The following HPS1 variants were observed in gnomAD, a reference collection of about 807,000 sequenced individuals.
HPS1 encodes BLOC-3 complex member HPS1.
HPS1 carries 59 observed loss-of-function variants against 90.6 expected under a neutral mutation model. That is an observed-to-expected ratio of 0.65 (90% CI 0.53 to 0.81). The LOEUF (loss-of-function observed/expected upper bound fraction) is 0.81. Ranked by LOEUF, HPS1 falls within the 30% of genes least tolerant of loss-of-function variation. HPS1 has a pLI of 0.00. For missense variants in HPS1, 849 were observed against 896.7 expected (o/e 0.95, Z 0.68); for synonymous variants, 388 against 384.4 (o/e 1.01, Z -0.11).
At chr10:98,429,664 A>G (rs1213761045) in intron 9 of HPS1, 22 bp from the exon 10 acceptor site, 1 of 1,613,720 alleles carries the variant, frequency 6.2e-7, no homozygotes, top group Non-Finnish European at 8.5e-7. Context: ...AAGGTGGCTC[A>G]GGTTGAGAGG....
At chr10:98,437,740 C>A (rs1248441509) in intron 3 of HPS1, among the ~76,000 whole-genome samples, 1 of 152,240 alleles carries the variant, frequency 6.6e-6, no homozygotes, top group Non-Finnish European at 1.5e-5. Flanking sequence ...GTATCACCAT[C>A]ATTAAGCAGG....
chr10:98,430,796 G>A, intron 7 of HPS1, 126 bp from the exon 8 acceptor site: 1 of 765,504 alleles, frequency 1.3e-6, no homozygotes, highest in Non-Finnish European at 2.2e-6. Flanking sequence ...GATGGGCAAG[G>A]CACAAATACA....
chr10:98,429,306 G>A (rs1306194811), intron 10 of HPS1: 1 of 1,388,710 alleles, frequency 7.2e-7, no homozygotes, highest in African/African-American at 1.5e-5. Flanking sequence ...ATGAGTCTGA[G>A]AATGCATGTA....
chr10:98,429,533 A>G lies in HPS1; in HGVS notation c.937+40T>C, dbSNP rs760836917. 8 of 1,614,104 alleles carry G rather than the reference A, an allele frequency of 5.0e-6. No individual in the cohort carries two copies. In the South Asian group the frequency reaches 8.8e-5, roughly 18 times the overall value. On this transcript the variant is annotated intron_variant, in intron 10 of 19. Coordinates refer to ENST00000361490, the MANE Select transcript of HPS1 (RefSeq NM_000195.5). ...ATGTCCTGGGCTGCCTGTCGCTCGC[A>G]GCTAGCTATTGTTTCCTCCTGCTTT...
At chr10:98,441,096 G>GA (rs1938336838) in intron 3 of HPS1, among the ~76,000 whole-genome samples, 1 of 152,168 alleles carries the variant, frequency 6.6e-6, no homozygotes, top group African/African-American at 2.4e-5. Context: ...TCATTGGCTG[G>GA]ATGATGAGAC....
At chr10:98,433,673 TC>T (rs1846852846) in intron 6 of HPS1, among the ~76,000 whole-genome samples, 1 of 152,168 alleles carries the variant, frequency 6.6e-6, no homozygotes, top group African/African-American at 2.4e-5. Flanking sequence ...CAGTTCCAGC[TC>T]AATATAATTT....
Position 98,422,501 on chromosome 10 carries a change from GTCT to G in HPS1, c.1608_1610del (p.Glu536del), listed in dbSNP as rs760472275. The G allele has an allele frequency of 3.8e-5, 62 of 1,614,020 alleles. No individual in the cohort carries two copies. Among genetic ancestry groups the G allele is most frequent in the Non-Finnish European group, 3.4e-6 (4 of 1,180,034 alleles). Reference sequence around the variant, plus strand: ...AGATGAAGTGCACCAAGCCTGGGAAGTCTTCTAGGTAGGTGAAGGTCTGAGTTA... The same window carrying G: ...AGATGAAGTGCACCAAGCCTGGGAAGTCTAGGTAGGTGAAGGTCTGAGTTA... On this transcript the variant is annotated inframe_deletion, in exon 17 of 20. Coordinates refer to ENST00000361490, the MANE Select transcript of HPS1 (RefSeq NM_000195.5).
chr10:98,431,376 C>G (rs1289938680), intron 6 of HPS1, 85 bp from the exon 7 acceptor site: 2 of 1,400,974 alleles, frequency 1.4e-6, no homozygotes, highest in African/African-American at 2.8e-5. Flanking sequence ...GACATTCACT[C>G]TGTCCACAGT....
rs748939090 is a variant in HPS1, at chr10:98,429,582, G to A, written c.928C>T (p.Gln310Ter). Reference sequence around the variant, plus strand: ...TTCCTCCGGTCCTCACCTGAGCTCTGATCGCCAGGGGAAGGAGCTGGTGTG... The same window carrying A: ...TTCCTCCGGTCCTCACCTGAGCTCTAATCGCCAGGGGAAGGAGCTGGTGTG... ...YFTPAPSPGD[Q>*]SSGSTIWLEG... The change falls in exon 10 of 20, where the codon CAG becomes TAG. Residue 310 changes from glutamine (Q) to a stop codon, truncating the protein, a stop_gained. Transcript: ENST00000361490. LOFTEE classifies it high-confidence loss of function. 2 of 1,614,216 alleles carry A rather than the reference G, an allele frequency of 1.2e-6. No homozygotes were observed. Among genetic ancestry groups the A allele is most frequent in the Admixed American group, 1.7e-5 (1 of 60,032 alleles).
rs117736842 is a variant in HPS1, at chr10:98,442,798, G to A, written c.117+326C>T. 2,896 of 363,968 alleles carry A rather than the reference G, an allele frequency of 8.0e-3. 21 individuals carry two copies. Among genetic ancestry groups the A allele is most frequent in the Non-Finnish European group, 0.011 (2,152 of 188,170 alleles). The allele number at this position is 363,968 out of a possible 1,614,324, so 22.5% of individuals were successfully genotyped here. On this transcript the variant is annotated intron_variant, in intron 3 of 19. Transcript: ENST00000361490. The stretch of plus-strand genomic sequence containing the variant: ...GTTGTGATTACAGGCGTGAGCCACC[G>A]CGCCCAGCCTTGTTAAACTTTTTAG...
In HPS1 at chr10:98,424,504, C is replaced by G. The variant is rs1236814330; in HGVS notation, c.1336-130G>C. ...GACAAATCTGCCCTTCTGGCCAATG[C>G]AGGCTACCCTGGCAGGCCCCACCAG... On this transcript the variant is annotated intron_variant, in intron 13 of 19. Coordinates refer to ENST00000361490, the MANE Select transcript of HPS1 (RefSeq NM_000195.5). The G allele has an allele frequency of 1.7e-5, 13 of 783,852 alleles. No homozygotes were observed. The Admixed American group carries it at 1.8e-4, about 11-fold the overall frequency. The allele number at this position is 783,852 out of a possible 1,614,324, so 48.6% of individuals were successfully genotyped here.
chr10:98,415,398 T>C (rs1843987318), downstream of HPS1, among the ~76,000 whole-genome samples: 1 of 152,248 alleles, frequency 6.6e-6, no homozygotes, highest in Non-Finnish European at 1.5e-5. Context: ...GACAATCCAC[T>C]GGGGTTCCTA....
At chr10:98,427,326 C>A in intron 10 of HPS1, 62 bp from the exon 11 acceptor site, 1 of 1,406,986 alleles carries the variant, frequency 7.1e-7, no homozygotes, top group Non-Finnish European at 9.8e-7. Flanking sequence ...AATGGCTCAA[C>A]AGCATGGGGT....
chr10:98,433,991 C>A lies in HPS1; in HGVS notation c.499G>T (p.Ala167Ser). Residue 167 changes from alanine (A) to serine (S), a missense_variant, in exon 6 of 20, where the codon GCC becomes TCC. Ala to Ser is a moderately conservative substitution (Grantham distance 99). Coordinates refer to ENST00000361490, the MANE Select transcript of HPS1 (RefSeq NM_000195.5). Reference sequence around the variant, plus strand: ...CCGCGCCCAGTAGTCACCTCCACGGCGAAGCACTGCTCCTGCTCCCGCAGG... The same window carrying A: ...CCGCGCCCAGTAGTCACCTCCACGGAGAAGCACTGCTCCTGCTCCCGCAGG... ...SRLREQEQCF[A>S]VEALERLIHP... 1 of 1,558,028 alleles carries A rather than the reference C, an allele frequency of 6.4e-7. No homozygotes were observed. The highest frequency in any genetic ancestry group is 8.7e-7 in the Non-Finnish European group (1 of 1,150,652).
chr10:98,426,763 T>C (rs1381236111), intron 11 of HPS1, among the ~76,000 whole-genome samples: 4 of 151,910 alleles, frequency 2.6e-5, no homozygotes, highest in Admixed American at 1.3e-4. Flanking sequence ...TGTGTGTGTG[T>C]GTGTGTGTGT....
At chr10:98,419,430 A>C (rs1424632383) in intron 18 of HPS1, among the ~76,000 whole-genome samples, 1 of 152,040 alleles carries the variant, frequency 6.6e-6, no homozygotes, top group Non-Finnish European at 1.5e-5. Context: ...GAGGAGTCCC[A>C]GCCACTGCAC....
In HPS1 at chr10:98,423,775, C is replaced by G. The variant is rs775126471; in HGVS notation, c.1510G>C (p.Asp504His). 9.9e-6 allele frequency: 16 copies of G among 1,614,078 alleles called. No individual in the cohort carries two copies. The highest frequency in any genetic ancestry group is 1.1e-5 in the Non-Finnish European group (13 of 1,180,032). ...GGPHLPQHLQ[D>H]QVQRLMREKL... ...TACCGCATGAGCCTCTGCACTTGGT[C>G]CTGCAGGTGCTGGGGCAGGTGTGGG... is the stretch of plus-strand genomic sequence containing the variant. The change falls in exon 15 of 20, where the codon GAC (aspartate) becomes CAC (histidine). Residue 504 changes from aspartate (D) to histidine (H), a missense_variant. Coordinates refer to ENST00000361490, the MANE Select transcript of HPS1 (RefSeq NM_000195.5).
intron 2 of HPS1, 83 bp from the exon 3 acceptor site, chr10:98,443,323 C>G: frequency 3.0e-6 from 3 of 987,180 alleles, no homozygotes; most frequent in Admixed American, 1.7e-5. Flanking sequence ...GGACCCCAAC[C>G]TCAGCAAACA....
chr10:98,420,994 G>A (rs1319683018), intron 17 of HPS1, among the ~76,000 whole-genome samples: 1 of 152,208 alleles, frequency 6.6e-6, no homozygotes, highest in Admixed American at 6.5e-5. Flanking sequence ...ACGTGCCTTA[G>A]CTCCCCTGGG....
Sources: allele counts gnomAD v4.1 joint callset (sites outside exome capture counted in the v4.1 genomes callset), GRCh38; gene constraint gnomAD v4.1.1; transcripts MANE v1.5; gene names NCBI Gene and HGNC (gene_info 2026-07-23, HGNC 2026-07-21).